Variants in CTNND2 observed in about 807,000 individuals in gnomAD.
CTNND2 encodes catenin delta 2.
Under a neutral mutation model 144.4 loss-of-function variants are expected in CTNND2, and 22 were observed. The observed-to-expected ratio is 0.15, with a 90% CI of 0.11 to 0.22. CTNND2 has a LOEUF of 0.22. Among genes scored for constraint, CTNND2 ranks in the 10% least tolerant of loss-of-function variants. The pLI is 1.00. For missense variants in CTNND2, 1,353 were observed against 1,618.8 expected, an observed-to-expected ratio of 0.84 and a Z score of 2.82; for synonymous variants, 751 against 695.6, an observed-to-expected ratio of 1.08 and a Z score of -1.25.
At chr5:11,083,775 T>C (rs1350539938) in intron 15 of CTNND2, 1 of 431,558 alleles carries the variant, frequency 2.3e-6, no homozygotes, top group Admixed American at 6.2e-5. Flanking sequence ...GTGGATTCTG[T>C]GGTAGGGTCC....
At chr5:11,547,027 C>T (rs1302823840) in intron 3 of CTNND2, among the ~76,000 whole-genome samples, 1 of 152,032 alleles carries the variant, frequency 6.6e-6, no homozygotes, top group South Asian at 2.1e-4. Context: ...ACAGCACTTT[C>T]GGAGGCCGAA....
intron 9 of CTNND2, among the ~76,000 whole-genome samples, chr5:11,293,987 C>T (rs1748629503): frequency 6.6e-6 from 1 of 151,036 alleles, no homozygotes; most frequent in South Asian, 2.1e-4. Context: ...GTTCAGGAAC[C>T]CCAGGACTGC....
chr5:11,830,151 G>A (rs185698081), intron 1 of CTNND2, among the ~76,000 whole-genome samples: 116 of 152,192 alleles, frequency 7.6e-4, no homozygotes, highest in African/African-American at 2.5e-3. Context: ...TTCATCTTAC[G>A]GGCTCACAGG....
intron 3 of CTNND2, among the ~76,000 whole-genome samples, chr5:11,448,906 T>C (rs1027397481): frequency 1.3e-5 from 2 of 152,058 alleles, no homozygotes; most frequent in African/African-American, 2.4e-5. Context: ...TTTCACTATG[T>C]TGTCCAGGCT....
intron 9 of CTNND2, among the ~76,000 whole-genome samples, chr5:11,307,827 T>A (rs1464785463): frequency 2.0e-5 from 3 of 152,204 alleles, no homozygotes; most frequent in African/African-American, 7.2e-5. Context: ...AATGTTGGTG[T>A]CCCTGCTCAA....
At chr5:11,708,102 A>G (rs906004047) in intron 2 of CTNND2, among the ~76,000 whole-genome samples, 24 of 150,904 alleles carry the variant, frequency 1.6e-4, no homozygotes, top group Admixed American at 1.4e-3. Context: ...GTTGGAGTTC[A>G]GTGGTGTGTT....
At position 11,029,087 on chromosome 5, in the gene CTNND2, T is replaced by C. The variant is rs138856120; in HGVS notation, c.2789-6108A>G. Reference sequence around the variant, plus strand: ...TTGCTATTCTTCTGTTGACGAAAAATTGGGTTGATACTTCATTTTCACTCT... The same window carrying C: ...TTGCTATTCTTCTGTTGACGAAAAACTGGGTTGATACTTCATTTTCACTCT... On this transcript the variant is annotated intron_variant, in intron 16 of 21. Transcript: ENST00000304623. Among the ~76,000 whole-genome samples, 626 of 152,316 alleles carry C rather than the reference T, an allele frequency of 4.1e-3. 5 individuals are homozygous for C. Among genetic ancestry groups the C allele is most frequent in the African/African-American group, 0.013 (525 of 41,562 alleles).
At chr5:11,059,569 T>G (rs1746715098) in intron 16 of CTNND2, among the ~76,000 whole-genome samples, 1 of 152,200 alleles carries the variant, frequency 6.6e-6, no homozygotes, top group Non-Finnish European at 1.5e-5. Flanking sequence ...AATACAGTCT[T>G]GTACATCATC....
At chr5:11,865,902 C>CAA (rs56310600) in intron 1 of CTNND2, among the ~76,000 whole-genome samples, 4 of 87,426 alleles carry the variant, frequency 4.6e-5, no homozygotes, top group South Asian at 5.4e-4. Context: ...CTGGAAGAGA[C>CAA]AAAAAAAAAA....
Position 11,008,419 on chromosome 5 carries a change from C to A in CTNND2, c.3084+9555G>T, listed in dbSNP as rs894086647. 4.6e-5 allele frequency among the ~76,000 whole-genome samples: 7 copies of A among 152,222 alleles called. No homozygotes were observed. The South Asian group carries it at 1.5e-3, about 32-fold the overall frequency. Reference sequence around the variant, plus strand: ...CATAAGCAAAGAAATTTCAAAGATGCGGTACTGCTGCCTCTGATGGTGGAG... The same window carrying A: ...CATAAGCAAAGAAATTTCAAAGATGAGGTACTGCTGCCTCTGATGGTGGAG... On this transcript the variant is annotated intron_variant, in intron 18 of 21. Coordinates refer to ENST00000304623, the MANE Select transcript of CTNND2 (RefSeq NM_001332.4).
intron 16 of CTNND2, among the ~76,000 whole-genome samples, chr5:11,067,603 C>T (rs778799418): frequency 6.6e-6 from 1 of 152,196 alleles, no homozygotes; most frequent in Non-Finnish European, 1.5e-5. Context: ...ACCTTGGTCA[C>T]GTGTAGGCAT....
At chr5:11,692,290 T>A (rs1338607911) in intron 2 of CTNND2, among the ~76,000 whole-genome samples, 14 of 152,324 alleles carry the variant, frequency 9.2e-5, no homozygotes, top group Non-Finnish European at 1.9e-4. Context: ...AAAAAAATTT[T>A]AAAAAGTAAA....
chr5:11,018,226 C>T (rs1187656671), intron 17 of CTNND2, among the ~76,000 whole-genome samples, 168 bp from the exon 18 acceptor site: 6 of 152,180 alleles, frequency 3.9e-5, no homozygotes, highest in Non-Finnish European at 8.8e-5. Flanking sequence ...GCACCACGAA[C>T]TGCACCCACC....
intron 2 of CTNND2, among the ~76,000 whole-genome samples, chr5:11,698,888 T>C (rs1430044181): frequency 6.6e-6 from 1 of 151,380 alleles, no homozygotes; most frequent in Non-Finnish European, 1.5e-5. Context: ...TTATTCTAAA[T>C]TGTAAATATA....
chr5:11,117,135 A>G (rs918852940), intron 13 of CTNND2, among the ~76,000 whole-genome samples: 1 of 102,856 alleles, frequency 9.7e-6, no homozygotes, highest in South Asian at 4.2e-4. Context: ...GGATTACATT[A>G]AAAAAAAAAA....
At chr5:11,454,822 GAATT>G (rs1232663015) in intron 3 of CTNND2, among the ~76,000 whole-genome samples, 4 of 151,446 alleles carry the variant, frequency 2.6e-5, no homozygotes, top group African/African-American at 9.7e-5. Context: ...GGCTGGTCTC[GAATT>G]CCTGAGCTCA....
chr5:11,789,296 T>C (rs1455688433), intron 1 of CTNND2, among the ~76,000 whole-genome samples: 3 of 152,198 alleles, frequency 2.0e-5, no homozygotes, highest in African/African-American at 7.2e-5. Flanking sequence ...TCCTGAAAAA[T>C]CTTCTTTGGA....
Position 11,169,752 on chromosome 5 carries a change from G to A in CTNND2, c.1976-9993C>T, listed in dbSNP as rs540996660. On this transcript the variant is annotated intron_variant, in intron 11 of 21. Coordinates refer to ENST00000304623, the MANE Select transcript of CTNND2 (RefSeq NM_001332.4). ...ACATAAGCGCGCTAATTGAATTCGT[G>A]GACGCTTGCTTATCCAAGAGTCCCC... is the stretch of plus-strand genomic sequence containing the variant. Among the ~76,000 whole-genome samples the A allele has an allele frequency of 4.6e-5, 7 of 152,174 alleles. No individual in the cohort carries two copies. In the East Asian group the frequency reaches 1.2e-3, roughly 25 times the overall value.
chr5:11,307,959 C>T lies in CTNND2; in HGVS notation c.1628+38413G>A, dbSNP rs764962965. On this transcript the variant is annotated intron_variant, in intron 9 of 21. Transcript: ENST00000304623. Reference sequence around the variant, plus strand: ...AGACAGTGCCCTTATAAAACAGATCCGAGAGAGTTAGCCATTCTCTTTCCA... The same window carrying T: ...AGACAGTGCCCTTATAAAACAGATCTGAGAGAGTTAGCCATTCTCTTTCCA... Among the ~76,000 whole-genome samples the T allele has an allele frequency of 7.9e-5, 12 of 152,092 alleles. No homozygotes were observed. In the East Asian group the frequency reaches 1.5e-3, roughly 20 times the overall value.
Sources: gnomAD v4.1 joint callset for allele counts (sites outside exome capture counted in the v4.1 genomes callset) on GRCh38, gnomAD v4.1.1 for gene constraint, MANE v1.5 for transcripts, NCBI Gene and HGNC (gene_info 2026-07-23, HGNC 2026-07-21) for gene names.